Variants in STARD13 observed in about 807,000 individuals in gnomAD.
STARD13 encodes StAR related lipid transfer domain containing 13.
STARD13 carries 62 observed loss-of-function variants against 106.4 expected under a neutral mutation model. The observed-to-expected ratio is 0.58, with a 90% CI of 0.48 to 0.72. STARD13 has a LOEUF of 0.72. STARD13 is among the 30% of genes least tolerant of loss of function. The pLI is 0.00. For missense variants in STARD13, 1,387 were observed against 1,424.0 expected (o/e 0.97, Z 0.42); for synonymous variants, 565 against 553.0 (o/e 1.02, Z -0.31).
At chr13:33,435,341 C>T in the STARD13 span, among the ~76,000 whole-genome samples, 11,804 of 152,118 alleles carry the variant, frequency 0.078, 483 homozygotes, top group East Asian at 0.13. Flanking sequence ...AAACTAAGTA[C>T]TCAGAATAAC....
At chr13:33,609,157 A>T in the STARD13 span, among the ~76,000 whole-genome samples, 6 of 151,928 alleles carry the variant, frequency 3.9e-5, no homozygotes, top group Non-Finnish European at 5.9e-5. Context: ...CTATATTAAA[A>T]TTTAAAAGAC....
chr13:33,569,896 T>C, the STARD13 span, among the ~76,000 whole-genome samples: 17,480 of 146,970 alleles, frequency 0.12, 2,649 homozygotes, highest in East Asian at 0.33. Context: ...AATGATATAA[T>C]GGACTTTGGG....
chr13:33,671,006 A>G, the STARD13 span, among the ~76,000 whole-genome samples: 1 of 152,212 alleles, frequency 6.6e-6, no homozygotes, highest in Admixed American at 6.5e-5. Flanking sequence ...AATTTCTTCA[A>G]AACTATGGTC....
At chr13:33,358,104 A>G in the STARD13 span, among the ~76,000 whole-genome samples, 1,147 of 152,346 alleles carry the variant, frequency 7.5e-3, 6 homozygotes, top group Middle Eastern at 0.024. Flanking sequence ...GCCCCGGGCA[A>G]TGAGGGACTT....
At chr13:33,110,556 T>G in intron 11 of STARD13, 130 bp downstream of exon 11, 1 of 748,822 alleles carries the variant, frequency 1.3e-6, no homozygotes, top group Non-Finnish European at 2.3e-6. Flanking sequence ...TTTGAATGGT[T>G]CATGTGCCTT....
chr13:33,584,307 C>A, the STARD13 span, among the ~76,000 whole-genome samples: 3 of 152,136 alleles, frequency 2.0e-5, no homozygotes, highest in Non-Finnish European at 4.4e-5. Context: ...TACTTGGCTT[C>A]TGGGGAGGCC....
the STARD13 span, among the ~76,000 whole-genome samples, chr13:33,580,231 CA>C: frequency 2.0e-5 from 3 of 151,952 alleles, no homozygotes; most frequent in African/African-American, 4.8e-5. Flanking sequence ...CAGTGATTAT[CA>C]ATCCACAAAA....
chr13:33,355,518 T>C (rs1390466122), upstream of STARD13: 1 of 152,198 alleles, frequency 6.6e-6, no homozygotes, highest in African/African-American at 2.4e-5. Context: ...GGGAAATGCC[T>C]TCCTTGAGGA....
At chr13:33,528,226 G>GTGTGTGTATATATATATATACA in the STARD13 span, among the ~76,000 whole-genome samples, 1 of 101,004 alleles carries the variant, frequency 9.9e-6, no homozygotes, top group African/African-American at 6.0e-5. Flanking sequence ...GTGTGTGTGT[G>GTGTGTGTATATATATATATACA]TATATATATA....
At chr13:33,504,660 C>T in the STARD13 span, among the ~76,000 whole-genome samples, 13 of 151,894 alleles carry the variant, frequency 8.6e-5, no homozygotes, top group African/African-American at 1.9e-4. Context: ...ACGTAAATGA[C>T]GAGTTGATGG....
chr13:33,581,927 A>G, the STARD13 span, among the ~76,000 whole-genome samples: 2 of 152,308 alleles, frequency 1.3e-5, no homozygotes, highest in East Asian at 1.9e-4. Context: ...CTACCATTAT[A>G]TAAACAATTA....
the STARD13 span, among the ~76,000 whole-genome samples, chr13:33,510,204 C>CA: frequency 1.3e-5 from 2 of 151,882 alleles, no homozygotes; most frequent in African/African-American, 2.4e-5. Flanking sequence ...TAGACCCAAC[C>CA]AAAAAAATGT....
intron 7 of STARD13, among the ~76,000 whole-genome samples, chr13:33,124,105 C>T (rs1439645201): frequency 6.6e-6 from 1 of 152,196 alleles, no homozygotes; most frequent in African/African-American, 2.4e-5. Flanking sequence ...TTCGCTTTTA[C>T]TAGCTCTTGC....
chr13:33,619,656 AG>A, the STARD13 span, among the ~76,000 whole-genome samples: 2 of 152,232 alleles, frequency 1.3e-5, no homozygotes, highest in African/African-American at 4.8e-5. Flanking sequence ...CAAAAAAGGT[AG>A]TGAAAAAAGG....
At chr13:33,245,386 T>A (rs1264625831) in intron 1 of STARD13, among the ~76,000 whole-genome samples, 1 of 152,172 alleles carries the variant, frequency 6.6e-6, no homozygotes, top group African/African-American at 2.4e-5. Context: ...AGAAAAAATA[T>A]CCTGTGAATG....
At chr13:33,408,144 A>AT in the STARD13 span, among the ~76,000 whole-genome samples, 9 of 152,000 alleles carry the variant, frequency 5.9e-5, no homozygotes, top group Non-Finnish European at 1.2e-4. Flanking sequence ...ATTTTTTTAA[A>AT]TTTGTAATTG....
the STARD13 span, among the ~76,000 whole-genome samples, chr13:33,362,813 C>G: frequency 1.3e-5 from 2 of 152,168 alleles, no homozygotes; most frequent in Non-Finnish European, 2.9e-5. Flanking sequence ...TTGACTTGCC[C>G]CTTCACTAGA....
chr13:33,189,429 C>CCAA (rs1886055638), intron 1 of STARD13, among the ~76,000 whole-genome samples: 1 of 57,424 alleles, frequency 1.7e-5, no homozygotes, highest in African/African-American at 8.2e-5. Flanking sequence ...CCTCCTTCCT[C>CCAA]CTTTCGGAGG....
At chr13:33,182,687 C>T (rs1443701930) in intron 1 of STARD13, among the ~76,000 whole-genome samples, 1 of 152,244 alleles carries the variant, frequency 6.6e-6, no homozygotes, top group Non-Finnish European at 1.5e-5. Context: ...CTGCATGCGG[C>T]CTGGGGCCGT....
Sources: gnomAD v4.1 joint callset for allele counts (sites outside exome capture counted in the v4.1 genomes callset) on GRCh38, gnomAD v4.1.1 for gene constraint, MANE v1.5 for transcripts, NCBI Gene and HGNC (gene_info 2026-07-23, HGNC 2026-07-21) for gene names.